Variants in RALB observed in about 807,000 individuals in gnomAD.
RALB encodes the protein RAS like proto-oncogene B, also known as ras-related protein Ral-B.
RALB carries 16 observed loss-of-function variants against 21.3 expected under a neutral mutation model. The ratio of observed to expected loss-of-function variants is 0.75; its 90% CI spans 0.51 to 1.14. RALB has a LOEUF of 1.14. Among genes scored for constraint, RALB ranks in the 50% most tolerant of loss-of-function variants. The pLI, the probability that RALB is intolerant of heterozygous loss-of-function variation, is 0.00. For synonymous variants in RALB, 93 were observed against 96.1 expected (o/e 0.97, Z 0.19); for missense variants, 161 against 256.2 (o/e 0.63, Z 2.54).
At chr2:120,275,690 C>T (rs551868440) in intron 1 of RALB, among the ~76,000 whole-genome samples, 12 of 152,172 alleles carry the variant, frequency 7.9e-5, no homozygotes, top group Admixed American at 1.3e-4. Context: ...CAGGCTATCT[C>T]GTCAGCAGTA....
Position 120,293,950 on chromosome 2 carries a change from G to C in RALB, c.*690G>C. Reference sequence around the variant, plus strand: ...GTTATTTTTCTCCTGTAAGCATCCTGATTTTTCTGTAGGAACTTTTCTTTG... The same window carrying C: ...GTTATTTTTCTCCTGTAAGCATCCTCATTTTTCTGTAGGAACTTTTCTTTG... On this transcript the variant is annotated 3_prime_UTR_variant, in exon 5 of 5. Transcript: ENST00000272519. 1 of 394,378 alleles carries C rather than the reference G, an allele frequency of 2.5e-6. No homozygotes were observed. Among genetic ancestry groups the C allele is most frequent in the East Asian group, 3.6e-5 (1 of 27,824 alleles). 24.4% of individuals were successfully genotyped at this position (394,378 alleles called of 1,614,324 possible).
At chr2:120,261,631 G>A (rs1159236851) in intron 1 of RALB, among the ~76,000 whole-genome samples, 1 of 152,222 alleles carries the variant, frequency 6.6e-6, no homozygotes, top group Admixed American at 6.5e-5. Flanking sequence ...CTCGACAGCA[G>A]CATTTGCATG....
In RALB at chr2:120,292,830, C is replaced by T. The variant is rs149835023; in HGVS notation, c.502-311C>T. Reference sequence around the variant, plus strand: ...CTGCTGCTGCATGGCAGTGACAGTACGATGATTCTGTCCTTGGCTTGAGCA... The same window carrying T: ...CTGCTGCTGCATGGCAGTGACAGTATGATGATTCTGTCCTTGGCTTGAGCA... On this transcript the variant is annotated intron_variant, in intron 4 of 4. Transcript: ENST00000272519. Among the ~76,000 whole-genome samples the T allele has an allele frequency of 5.4e-4, 81 of 150,788 alleles. 2 individuals are homozygous for T. The South Asian group carries it at 9.6e-3, about 18-fold the overall frequency.
At chr2:120,282,937 C>A (rs1481713648) in intron 2 of RALB, among the ~76,000 whole-genome samples, 5 of 151,874 alleles carry the variant, frequency 3.3e-5, no homozygotes, top group African/African-American at 1.2e-4. Flanking sequence ...CAGAATGGTT[C>A]TAGAATCATA....
In RALB at chr2:120,289,631, C is replaced by A. The variant is rs148143386; in HGVS notation, c.375C>A (p.Val125=). 6.2e-7 allele frequency: 1 copy of A among 1,614,078 alleles called. No homozygotes were observed. The highest frequency in any genetic ancestry group is 1.7e-5 in the Admixed American group (1 of 60,010). The part of the protein sequence containing the change: ...KAEEDKIPLL[V]VGNKSDLEER... ...AAGAAGATAAAATTCCACTGCTCGT[C>A]GTGGGAAACAAGTCTGACCTAGAGG... is the stretch of plus-strand genomic sequence containing the variant. Residue 125 remains valine, a synonymous_variant, in exon 4 of 5, where the codon GTC becomes GTA. Transcript: ENST00000272519.
rs537321589 is a variant in RALB at position 120,240,291 on chromosome 2, T to A, written c.19+166T>A. 8.5e-3 allele frequency among the ~76,000 whole-genome samples: 1,216 copies of A among 142,596 alleles called. 11 individuals are homozygous for A. The highest frequency in any genetic ancestry group is 0.025 in the African/African-American group (887 of 34,900). 93.5% of individuals were successfully genotyped at this position (142,596 alleles called of 152,430 possible). On this transcript the variant is annotated intron_variant, in intron 1 of 3. Coordinates refer to the RALB transcript ENST00000447591. ...AGCTGCTACTTTTTTATTTTTATTT[T>A]TATTTTTTTTTGAGACAGGGTCTCC...
rs1690365084 is a variant in RALB at position 120,293,868 on chromosome 2, G to C, written c.*608G>C. On this transcript the variant is annotated 3_prime_UTR_variant, in exon 5 of 5. Transcript: ENST00000272519. Reference sequence around the variant, plus strand: ...TGATTCCTCCTCACATATGAAAAGTGAAAGTTGTGAGTTGTTTTCCTCTTA... The same window carrying C: ...TGATTCCTCCTCACATATGAAAAGTCAAAGTTGTGAGTTGTTTTCCTCTTA... 3.2e-6 allele frequency: 1 copy of C among 314,398 alleles called. No homozygotes were observed. The highest frequency in any genetic ancestry group is 1.6e-4 in the South Asian group (1 of 6,308). The allele number at this position is 314,398 out of a possible 1,614,324, so 19.5% of individuals were successfully genotyped here. A position where few individuals can be genotyped will look rare whatever the true frequency, so the allele number is the denominator to read the frequency against.
intron 1 of RALB, among the ~76,000 whole-genome samples, chr2:120,260,840 A>G (rs955024670): frequency 6.6e-6 from 1 of 152,236 alleles, no homozygotes; most frequent in African/African-American, 2.4e-5. Context: ...TATTGGAGCT[A>G]GCTACGTGGA....
chr2:120,262,832 T>C (rs1360228436), intron 1 of RALB, among the ~76,000 whole-genome samples: 3 of 152,202 alleles, frequency 2.0e-5, no homozygotes, highest in African/African-American at 7.2e-5. Context: ...AAGAAGGGTG[T>C]GAAGGGCTTC....
At chr2:120,248,819 G>A (rs1421587905), upstream of RALB, among the ~76,000 whole-genome samples, 1 of 151,978 alleles carries the variant, frequency 6.6e-6, no homozygotes, top group African/African-American at 2.4e-5. Context: ...CCAGAGGTGT[G>A]CACCACTGTC....
At chr2:120,248,907 A>T (rs1366783406), upstream of RALB, among the ~76,000 whole-genome samples, 3 of 151,952 alleles carry the variant, frequency 2.0e-5, no homozygotes, top group Non-Finnish European at 2.9e-5. Flanking sequence ...TGACCCCAGG[A>T]GATTCACCCT....
At chr2:120,250,768 G>A (rs1377101694), upstream of RALB, among the ~76,000 whole-genome samples, 2 of 152,196 alleles carry the variant, frequency 1.3e-5, no homozygotes, top group Non-Finnish European at 2.9e-5. Context: ...CTTAGAGGCA[G>A]CTGAGGCTGG....
At chr2:120,273,028 CCT>C (rs949806458) in intron 1 of RALB, among the ~76,000 whole-genome samples, 1 of 152,098 alleles carries the variant, frequency 6.6e-6, no homozygotes, top group African/African-American at 2.4e-5. Context: ...TCTCTAATAC[CCT>C]GTGTCATCGC....
At chr2:120,248,458 C>T (rs932831593), upstream of RALB, among the ~76,000 whole-genome samples, 4 of 152,168 alleles carry the variant, frequency 2.6e-5, no homozygotes, top group African/African-American at 9.7e-5. Flanking sequence ...TGGGGTTTGG[C>T]AGGAAGACTG....
intron 1 of RALB, among the ~76,000 whole-genome samples, chr2:120,255,000 A>G (rs1689163037): frequency 6.6e-6 from 1 of 152,190 alleles, no homozygotes; most frequent in Non-Finnish European, 1.5e-5. Flanking sequence ...CTTCCAAATC[A>G]CGTAATCCTA....
intron 1 of RALB, among the ~76,000 whole-genome samples, chr2:120,268,927 TAAAC>T (rs1689574941): frequency 1.1e-5 from 1 of 88,504 alleles, no homozygotes; most frequent in Non-Finnish European, 2.4e-5. Context: ...TGTTTATATA[TAAAC>T]AAACAATTTT....
intron 4 of RALB, among the ~76,000 whole-genome samples, chr2:120,292,014 A>G (rs1482668820): frequency 6.6e-6 from 1 of 152,210 alleles, no homozygotes; most frequent in African/African-American, 2.4e-5. Context: ...TCTCTATGAG[A>G]AATCTCAAAT....
At position 120,263,193 on chromosome 2, in the gene RALB, T is replaced by C. The variant is rs571107885; in HGVS notation, c.-48+10213T>C. Among the ~76,000 whole-genome samples, 25 of 152,340 alleles carry C rather than the reference T, an allele frequency of 1.6e-4. No homozygotes were observed. The South Asian group carries it at 2.1e-3, about 13-fold the overall frequency. ...TGATATTTATTTATTTATTTTGAGGTAAGTTCTCACTGTCGCCCAGGCTGG... is the reference window on the plus strand; with the variant it reads ...TGATATTTATTTATTTATTTTGAGGCAAGTTCTCACTGTCGCCCAGGCTGG... On this transcript the variant is annotated intron_variant, in intron 1 of 4. Coordinates refer to ENST00000272519, the MANE Select transcript of RALB (RefSeq NM_002881.3).
At chr2:120,272,649 A>G (rs1420010833) in intron 1 of RALB, among the ~76,000 whole-genome samples, 1 of 152,172 alleles carries the variant, frequency 6.6e-6, no homozygotes, top group Non-Finnish European at 1.5e-5. Flanking sequence ...CATTTCCATT[A>G]TAGGTATTAA....
Sources: allele counts gnomAD v4.1 joint callset (sites outside exome capture counted in the v4.1 genomes callset), GRCh38; gene constraint gnomAD v4.1.1; transcripts MANE v1.5; gene names NCBI Gene and HGNC (gene_info 2026-07-23, HGNC 2026-07-21).